Variants in TUBGCP3 observed in about 807,000 individuals in gnomAD.
TUBGCP3 encodes gamma-tubulin complex component 3.
TUBGCP3 carries 50 observed loss-of-function variants against 123.1 expected under a neutral mutation model. That is an observed-to-expected ratio of 0.41 (90% CI 0.32 to 0.51). TUBGCP3 has a LOEUF of 0.51. TUBGCP3 is among the 20% of genes least tolerant of loss of function. TUBGCP3 has a pLI of 0.36. For synonymous variants in TUBGCP3, 405 were observed against 413.9 expected, an observed-to-expected ratio of 0.98 and a Z score of 0.26; for missense variants, 882 against 1,127.0, an observed-to-expected ratio of 0.78 and a Z score of 3.11.
At chr13:112,518,410 C>T (rs1192609073) in intron 16 of TUBGCP3, among the ~76,000 whole-genome samples, 2 of 152,128 alleles carry the variant, frequency 1.3e-5, no homozygotes, top group Non-Finnish European at 2.9e-5. Context: ...GTATCTTGGT[C>T]AAGGAAATTT....
intron 11 of TUBGCP3, among the ~76,000 whole-genome samples, chr13:112,530,870 G>A (rs1269001991): frequency 1.3e-5 from 2 of 152,138 alleles, no homozygotes; most frequent in African/African-American, 4.8e-5. Context: ...AGGGTTACTG[G>A]AGAATTTTAA....
At chr13:112,547,520 CGCGTGGGAAAGACGT>C (rs1362891504) in intron 10 of TUBGCP3, 85 bp downstream of exon 10, 13 of 1,337,836 alleles carry the variant, frequency 9.7e-6, no homozygotes, top group African/African-American at 1.6e-5. Flanking sequence ...GGGAAAGACG[CGCGTGGGAAAGACGT>C]GCATGGGAAA....
chr13:112,539,394 G>A (rs1403639777), intron 11 of TUBGCP3, among the ~76,000 whole-genome samples: 1 of 152,118 alleles, frequency 6.6e-6, no homozygotes, highest in Non-Finnish European at 1.5e-5. Context: ...AGATAAACCG[G>A]TAGGTGGTAT....
chr13:112,489,637 T>C lies in TUBGCP3; in HGVS notation c.2509A>G (p.Lys837Glu). 1 of 1,614,238 alleles carries C rather than the reference T, an allele frequency of 6.2e-7. No individual in the cohort carries two copies. The highest frequency in any genetic ancestry group is 1.6e-4 in the Middle Eastern group (1 of 6,062). ...GAGCACATTTTTGGTATAGATTCTT[T>C]AAATTCTCCAATCCTCTTATTTTCC... ...EEENKRIGEF[K>E]ESIPKMCSQL... Residue 837 changes from lysine (K) to glutamate (E), a missense_variant, in exon 21 of 22, where the codon AAA becomes GAA. By Grantham distance (56) the Lys-to-Glu change is moderately conservative. This residue lies in a region of TUBGCP3 where 160 missense variants were observed against 220.3 expected (regional missense o/e 0.73). Coordinates refer to ENST00000261965, the MANE Select transcript of TUBGCP3 (RefSeq NM_006322.6).
chr13:112,542,716 G>C (rs1270320796), intron 11 of TUBGCP3, among the ~76,000 whole-genome samples: 1 of 152,180 alleles, frequency 6.6e-6, no homozygotes, highest in Non-Finnish European at 1.5e-5. Flanking sequence ...TTACCTTTAA[G>C]GAGAAGGGGA....
intron 11 of TUBGCP3, among the ~76,000 whole-genome samples, chr13:112,539,762 A>G (rs7322099): frequency 2.0e-5 from 3 of 147,644 alleles, no homozygotes; most frequent in African/African-American, 5.1e-5. Flanking sequence ...ATACCTGGGA[A>G]TGACGACATC....
At chr13:112,576,354 TACTC>T (rs1881806277) in intron 1 of TUBGCP3, among the ~76,000 whole-genome samples, 1 of 152,192 alleles carries the variant, frequency 6.6e-6, no homozygotes, top group Admixed American at 6.5e-5. Flanking sequence ...TGCAACTTCT[TACTC>T]CAAGAGCAAG....
At chr13:112,494,196 C>T (rs1880367146) in intron 20 of TUBGCP3, among the ~76,000 whole-genome samples, 1 of 151,940 alleles carries the variant, frequency 6.6e-6, no homozygotes, top group Admixed American at 6.5e-5. Flanking sequence ...GCTATGGGAA[C>T]GAGGCCTGGT....
In TUBGCP3 at chr13:112,588,151, C is replaced by A; in HGVS notation, c.-171G>T. ...CCATTTTAACGGAACCCGCCGAAAG[C>A]GCGGGCGCTTCCCACAATGCCCCGC... On this transcript the variant is annotated 5_prime_UTR_variant, in exon 1 of 22. Coordinates refer to ENST00000261965, the MANE Select transcript of TUBGCP3 (RefSeq NM_006322.6). 3 of 487,344 alleles carry A rather than the reference C, an allele frequency of 6.2e-6. No homozygotes were observed. In the South Asian group the frequency reaches 1.4e-4, roughly 23 times the overall value. The allele number at this position is 487,344 out of a possible 1,614,324, so 30.2% of individuals were successfully genotyped here.
chr13:112,488,390 T>C (rs1433726724), intron 21 of TUBGCP3, among the ~76,000 whole-genome samples: 1 of 152,170 alleles, frequency 6.6e-6, no homozygotes, highest in Non-Finnish European at 1.5e-5. Flanking sequence ...ACTGGACCCA[T>C]ACATGGAGGC....
At chr13:112,546,359 G>A (rs1360323734) in intron 10 of TUBGCP3, 3 of 160,544 alleles carry the variant, frequency 1.9e-5, no homozygotes, top group African/African-American at 4.8e-5. Flanking sequence ...CAGACAGTGT[G>A]AGAAACACCG....
intron 11 of TUBGCP3, among the ~76,000 whole-genome samples, chr13:112,534,479 G>A (rs1877870120): frequency 6.6e-6 from 1 of 152,114 alleles, no homozygotes; most frequent in Admixed American, 6.5e-5. Context: ...CCCGGGAGGT[G>A]GAGCTTGCAG....
intron 5 of TUBGCP3, among the ~76,000 whole-genome samples, chr13:112,556,533 T>G (rs573398076): frequency 1.3e-5 from 2 of 152,292 alleles, no homozygotes; most frequent in East Asian, 3.9e-4. Context: ...TTGGCTTTTC[T>G]TTATAAACAT....
intron 20 of TUBGCP3, chr13:112,489,912 C>T (rs1879962598): frequency 8.8e-6 from 5 of 565,384 alleles, no homozygotes; most frequent in Non-Finnish European, 1.6e-5. Context: ...CATATGAACA[C>T]ATTTGAGACT....
At chr13:112,564,889 T>A (rs3783158) in intron 3 of TUBGCP3, among the ~76,000 whole-genome samples, 23,996 of 152,264 alleles carry the variant, frequency 0.16, 2,151 homozygotes, top group East Asian at 0.21. Context: ...TGACTTTCCC[T>A]GTGCAGCTTC....
At chr13:112,537,127 CT>C (rs58140098) in intron 11 of TUBGCP3, among the ~76,000 whole-genome samples, 8,619 of 77,700 alleles carry the variant, frequency 0.11, 403 homozygotes, top group African/African-American at 0.17. Context: ...TACCTTTTTC[CT>C]TTTTTTTTTT....
chr13:112,507,205 G>C (rs1475813684), intron 17 of TUBGCP3, among the ~76,000 whole-genome samples: 1 of 152,174 alleles, frequency 6.6e-6, no homozygotes, highest in Non-Finnish European at 1.5e-5. Flanking sequence ...AATTCTACAA[G>C]TCACATGCCA....
intron 20 of TUBGCP3, among the ~76,000 whole-genome samples, chr13:112,495,137 C>G (rs1880445991): frequency 6.6e-6 from 1 of 152,208 alleles, no homozygotes; most frequent in Non-Finnish European, 1.5e-5. Context: ...ACATTTTGCC[C>G]AGACCAATGT....
intron 8 of TUBGCP3, among the ~76,000 whole-genome samples, chr13:112,552,031 C>A (rs1879633003): frequency 6.6e-6 from 1 of 152,234 alleles, no homozygotes; most frequent in South Asian, 2.1e-4. Flanking sequence ...CATCACTGAT[C>A]TGACAGGAGG....
Sources: gnomAD v4.1 joint callset for allele counts (sites outside exome capture counted in the v4.1 genomes callset) on GRCh38, gnomAD v4.1.1 for gene constraint, gnomAD v4.1.1 regional missense constraint, MANE v1.5 for transcripts, NCBI Gene and HGNC (gene_info 2026-07-23, HGNC 2026-07-21) for gene names.